EML6: variants seen among roughly 807,000 people sequenced by gnomAD.
The protein encoded by EML6 is echinoderm microtubule-associated protein-like 6.
EML6 carries 154 observed loss-of-function variants against 240.1 expected under a neutral mutation model. The ratio of observed to expected loss-of-function variants is 0.64; its 90% CI spans 0.56 to 0.73. The LOEUF is 0.73. Among genes scored for constraint, EML6 ranks in the 30% least tolerant of loss-of-function variants. The pLI is 0.00. For missense variants in EML6, 2,964 were observed against 2,474.6 expected, an observed-to-expected ratio of 1.20 and a Z score of -4.20; for synonymous variants, 1,148 against 899.0, an observed-to-expected ratio of 1.28 and a Z score of -4.95.
intron 29 of EML6, among the ~76,000 whole-genome samples, chr2:54,949,306 G>A (rs1392270794): frequency 6.6e-6 from 1 of 152,202 alleles, no homozygotes; most frequent in Non-Finnish European, 1.5e-5. Flanking sequence ...AGACAGGGGA[G>A]CACATATTCA....
chr2:54,947,880 A>T (rs1398824971), intron 28 of EML6, among the ~76,000 whole-genome samples: 1 of 152,186 alleles, frequency 6.6e-6, no homozygotes, highest in African/African-American at 2.4e-5. Context: ...ATGCTGGGGA[A>T]GCATGGTGTG....
Position 54,724,179 on chromosome 2 carries a change from G to C in EML6, c.-513-370G>C, listed in dbSNP as rs1406406576. ...ACAATCTTTCATGATGCGGATTGGA[G>C]TTGCTGATCAATGAGAGCTGCTAAG... On this transcript the variant is annotated intron_variant, in intron 1 of 41. Coordinates refer to ENST00000356458, the MANE Select transcript of EML6 (RefSeq NM_001039753.4). The surrounding 1 kb of genome is among the most constrained non-coding windows in gnomAD (Gnocchi z 5.2). Among the ~76,000 whole-genome samples, 1 of 152,266 alleles carries C rather than the reference G, an allele frequency of 6.6e-6. No homozygotes were observed. The highest frequency in any genetic ancestry group is 6.5e-5 in the Admixed American group (1 of 15,298).
intron 2 of EML6, among the ~76,000 whole-genome samples, chr2:54,801,061 CT>C (rs1471437630): frequency 3.3e-5 from 5 of 152,092 alleles, no homozygotes; most frequent in Admixed American, 6.5e-5. Context: ...TGGCTCACCT[CT>C]GTAATCCCAG....
chr2:54,879,718 A>G, intron 17 of EML6, 78 bp downstream of exon 17: 1 of 892,194 alleles, frequency 1.1e-6, no homozygotes, highest in Non-Finnish European at 1.8e-6. Context: ...ATTTTCTGGT[A>G]AGATTTCATC....
chr2:54,888,430 T>TC (rs1672273048), intron 17 of EML6, among the ~76,000 whole-genome samples: 1 of 152,196 alleles, frequency 6.6e-6, no homozygotes, highest in Non-Finnish European at 1.5e-5. Context: ...TTGAACCAGA[T>TC]TGGGCTGATT....
intron 17 of EML6, among the ~76,000 whole-genome samples, chr2:54,883,727 C>T (rs1671967399): frequency 6.6e-6 from 1 of 152,200 alleles, no homozygotes; most frequent in African/African-American, 2.4e-5. Context: ...CACACATGCA[C>T]ATGTGTGCAC....
At chr2:54,928,931 C>T (rs977107918) in intron 28 of EML6, among the ~76,000 whole-genome samples, 180 bp downstream of exon 28, 7 of 152,150 alleles carry the variant, frequency 4.6e-5, no homozygotes, top group African/African-American at 7.2e-5. Context: ...CATCCCAGTA[C>T]GTGGCAAAGG....
At chr2:54,918,757 A>G (rs1674066124) in intron 26 of EML6, among the ~76,000 whole-genome samples, 1 of 152,230 alleles carries the variant, frequency 6.6e-6, no homozygotes, top group Non-Finnish European at 1.5e-5. Context: ...ACATCATTAA[A>G]TTCTTGGCAA....
At chr2:54,949,028 T>A (rs1342452048) in intron 29 of EML6, 68 bp downstream of exon 29, 1 of 1,157,600 alleles carries the variant, frequency 8.6e-7, no homozygotes, top group Non-Finnish European at 1.3e-6. Flanking sequence ...CATCCCCATC[T>A]GCACGTCCCA....
At chr2:54,929,626 TAAC>T (rs1423369385) in intron 28 of EML6, among the ~76,000 whole-genome samples, 1 of 152,180 alleles carries the variant, frequency 6.6e-6, no homozygotes, top group African/African-American at 2.4e-5. Context: ...GCTTTCTGCC[TAAC>T]AACAATAAGT....
intron 28 of EML6, among the ~76,000 whole-genome samples, chr2:54,946,991 G>A (rs923209329): frequency 3.3e-5 from 5 of 150,694 alleles, no homozygotes; most frequent in African/African-American, 4.9e-5. Flanking sequence ...ATAAATACAC[G>A]GTGTTTGTGC....
intron 30 of EML6, among the ~76,000 whole-genome samples, chr2:54,951,020 A>G (rs1573205113): frequency 6.6e-6 from 1 of 152,128 alleles, no homozygotes; most frequent in East Asian, 1.9e-4. Context: ...GAAGGCGGCC[A>G]TGTTGACACC....
intron 11 of EML6, among the ~76,000 whole-genome samples, chr2:54,856,426 C>T (rs961781564): frequency 3.9e-5 from 6 of 152,190 alleles, no homozygotes; most frequent in Non-Finnish European, 5.9e-5. Context: ...CTCAGCAACC[C>T]ACAAAAGTAT....
At chr2:54,958,538 C>T (rs11897363) in intron 33 of EML6, among the ~76,000 whole-genome samples, 4,033 of 152,186 alleles carry the variant, frequency 0.027, 193 homozygotes, top group African/African-American at 0.089. Flanking sequence ...GTAGGACACC[C>T]ACCCAGGACA....
intron 26 of EML6, among the ~76,000 whole-genome samples, chr2:54,919,820 C>T (rs974146443): frequency 1.3e-5 from 2 of 152,154 alleles, no homozygotes; most frequent in Non-Finnish European, 2.9e-5. Context: ...GTTCCTCAGA[C>T]CAGAGTTCCA....
At chr2:54,826,612 C>G (rs546194188) in intron 5 of EML6, among the ~76,000 whole-genome samples, 43 of 152,156 alleles carry the variant, frequency 2.8e-4, no homozygotes, top group African/African-American at 9.6e-4. Context: ...CCTGCCCCCC[C>G]AAAAAAACTA....
At chr2:54,930,922 G>C (rs548188365) in intron 28 of EML6, among the ~76,000 whole-genome samples, 1 of 149,548 alleles carries the variant, frequency 6.7e-6, no homozygotes, top group South Asian at 2.1e-4. Flanking sequence ...TTTTAGGGGA[G>C]ACTGAACCTC....
At chr2:54,884,656 A>G (rs1273077259) in intron 17 of EML6, among the ~76,000 whole-genome samples, 1 of 152,210 alleles carries the variant, frequency 6.6e-6, no homozygotes, top group African/African-American at 2.4e-5. Context: ...AAGACCACAT[A>G]TGTATTTTGT....
chr2:54,732,054 C>G lies in EML6; in HGVS notation c.197+6796C>G, dbSNP rs186879909. Among the ~76,000 whole-genome samples the G allele has an allele frequency of 8.5e-5, 13 of 152,268 alleles. No homozygotes were observed. The East Asian group carries it at 1.2e-3, about 14-fold the overall frequency. On this transcript the variant is annotated intron_variant, in intron 2 of 41. Coordinates refer to ENST00000356458, the MANE Select transcript of EML6 (RefSeq NM_001039753.4). Reference sequence around the variant, plus strand: ...GTTTTAATTTTCATTTCCTTCATGACTAATGATATTGATGATCTTTTCATA... The same window carrying G: ...GTTTTAATTTTCATTTCCTTCATGAGTAATGATATTGATGATCTTTTCATA...
Sources: allele counts gnomAD v4.1 joint callset (sites outside exome capture counted in the v4.1 genomes callset), GRCh38; gene constraint gnomAD v4.1.1; non-coding constraint Gnocchi (gnomAD v3.1); transcripts MANE v1.5; gene names NCBI Gene and HGNC (gene_info 2026-07-23, HGNC 2026-07-21).